The following ERC2 variants were observed in gnomAD, a reference collection of about 807,000 sequenced individuals.
ERC2 encodes the protein ERC protein 2.
Under a neutral mutation model 114.8 loss-of-function variants are expected in ERC2, and 42 were observed. The observed-to-expected ratio is 0.37, with a 90% CI of 0.29 to 0.47. The LOEUF is 0.47. Among genes scored for constraint, ERC2 ranks in the 20% least tolerant of loss-of-function variants. ERC2 has a pLI of 0.99. For missense variants in ERC2, 939 were observed against 1,150.7 expected (o/e 0.82, Z 2.66); for synonymous variants, 454 against 425.5 (o/e 1.07, Z -0.82).
Position 56,188,307 on chromosome 3 carries a change from C to A in ERC2, c.1075-14787G>T, listed in dbSNP as rs111904700. 3.5e-3 allele frequency among the ~76,000 whole-genome samples: 531 copies of A among 152,290 alleles called. 1 individual carries two copies. Among genetic ancestry groups the A allele is most frequent in the African/African-American group, 0.012 (509 of 41,558 alleles). Reference sequence around the variant, plus strand: ...GATCTTTACACATCTTCCCTCACACCCCTTTCTCTCTCGAGTACGTGGAGA... The same window carrying A: ...GATCTTTACACATCTTCCCTCACACACCTTTCTCTCTCGAGTACGTGGAGA... On this transcript the variant is annotated intron_variant, in intron 3 of 17. Transcript: ENST00000288221.
intron 2 of ERC2, among the ~76,000 whole-genome samples, chr3:56,311,262 TA>T (rs2056552383): frequency 2.1e-5 from 1 of 48,318 alleles, no homozygotes; most frequent in Non-Finnish European, 5.4e-5. Flanking sequence ...TCTCTATATA[TA>T]TATATATATA....
chr3:56,159,653 C>T (rs2081947741), intron 4 of ERC2, among the ~76,000 whole-genome samples: 1 of 152,104 alleles, frequency 6.6e-6, no homozygotes, highest in Admixed American at 6.5e-5. Context: ...ACCTTTGTCC[C>T]CTTGCCTCCT....
At chr3:55,751,334 C>T (rs13064055) in intron 14 of ERC2, among the ~76,000 whole-genome samples, 23,362 of 152,030 alleles carry the variant, frequency 0.15, 1,900 homozygotes, top group Middle Eastern at 0.23. Flanking sequence ...GACAAGAGCT[C>T]GAGCTCCAGG....
intron 17 of ERC2, among the ~76,000 whole-genome samples, chr3:55,526,119 G>A (rs528223776): frequency 6.6e-6 from 1 of 152,194 alleles, no homozygotes; most frequent in South Asian, 2.1e-4. Context: ...AGAGGGTGGA[G>A]CAATGCATCT....
intron 14 of ERC2, among the ~76,000 whole-genome samples, chr3:55,873,304 T>G (rs1460577226): frequency 1.3e-5 from 2 of 152,158 alleles, no homozygotes; most frequent in African/African-American, 4.8e-5. Flanking sequence ...GTTAAACACA[T>G]GGCCAAACCA....
chr3:55,745,728 C>T (rs555425175), intron 14 of ERC2, among the ~76,000 whole-genome samples: 1 of 152,180 alleles, frequency 6.6e-6, no homozygotes, highest in African/African-American at 2.4e-5. Context: ...CTAAACTAAA[C>T]CTATTGTCCA....
intron 9 of ERC2, among the ~76,000 whole-genome samples, chr3:56,008,741 C>T (rs187371894): frequency 3.3e-5 from 5 of 152,272 alleles, no homozygotes; most frequent in Admixed American, 2.0e-4. Context: ...AGATTATTCT[C>T]AGTATTCTGC....
At position 56,417,892 on chromosome 3, in the gene ERC2, CT is replaced by C. The variant is rs1439217312; in HGVS notation, c.657+16458del. The stretch of plus-strand genomic sequence containing the variant: ...TCATGTAGTAATGTCACTACATGTC[CT>C]ACAATGAGGGTAGGAAACATCTGAT... On this transcript the variant is annotated intron_variant, in intron 2 of 17. Coordinates refer to ENST00000288221, the MANE Select transcript of ERC2 (RefSeq NM_015576.3). 1.7e-4 allele frequency among the ~76,000 whole-genome samples: 26 copies of C among 152,250 alleles called. No homozygotes were observed. In the South Asian group the frequency reaches 3.5e-3, roughly 21 times the overall value.
intron 6 of ERC2, among the ~76,000 whole-genome samples, chr3:56,096,472 A>T (rs980511736): frequency 3.9e-5 from 6 of 152,208 alleles, no homozygotes; most frequent in Non-Finnish European, 2.9e-5. Context: ...TGAACAGCAT[A>T]AATAGCAACC....
chr3:55,701,741 G>C (rs2063234143), intron 15 of ERC2, among the ~76,000 whole-genome samples: 1 of 152,176 alleles, frequency 6.6e-6, no homozygotes, highest in Non-Finnish European at 1.5e-5. Flanking sequence ...AGCTGCTGCA[G>C]ACTAAGTACT....
chr3:56,460,426 C>T (rs2063259461), intron 1 of ERC2, among the ~76,000 whole-genome samples: 1 of 152,176 alleles, frequency 6.6e-6, no homozygotes, highest in Admixed American at 6.5e-5. Flanking sequence ...AACATCTAGG[C>T]ACTAGGGATA....
chr3:55,950,026 A>C (rs192817870), intron 13 of ERC2, among the ~76,000 whole-genome samples: 5 of 152,368 alleles, frequency 3.3e-5, no homozygotes, highest in Non-Finnish European at 1.5e-5. Context: ...GGATCAGCTG[A>C]ATGTATCCTC....
intron 13 of ERC2, among the ~76,000 whole-genome samples, chr3:55,917,844 T>C (rs946610680): frequency 4.6e-5 from 7 of 152,190 alleles, no homozygotes; most frequent in African/African-American, 1.7e-4. Context: ...TGGATACCAG[T>C]TATATCTTTG....
At chr3:56,053,268 C>T (rs549627578) in intron 7 of ERC2, among the ~76,000 whole-genome samples, 1 of 152,134 alleles carries the variant, frequency 6.6e-6, no homozygotes, top group Non-Finnish European at 1.5e-5. Flanking sequence ...GTAAACTGAA[C>T]AACCAGACCC....
intron 3 of ERC2, among the ~76,000 whole-genome samples, chr3:56,280,878 A>C (rs1280776864): frequency 6.6e-6 from 1 of 152,204 alleles, no homozygotes; most frequent in East Asian, 1.9e-4. Flanking sequence ...TCTGTGCCTC[A>C]GTTTCCTTAT....
At chr3:56,045,425 A>T (rs2075406480) in intron 7 of ERC2, among the ~76,000 whole-genome samples, 1 of 152,146 alleles carries the variant, frequency 6.6e-6, no homozygotes, top group Non-Finnish European at 1.5e-5. Context: ...ATGGCAAGAC[A>T]TACCACAGCC....
chr3:56,359,292 T>C (rs536853917), intron 2 of ERC2, among the ~76,000 whole-genome samples: 2 of 152,276 alleles, frequency 1.3e-5, no homozygotes, highest in South Asian at 4.1e-4. Context: ...CAAATGAATA[T>C]GATTACCCAT....
chr3:56,415,014 C>T (rs1357422919), intron 2 of ERC2, among the ~76,000 whole-genome samples: 2 of 152,218 alleles, frequency 1.3e-5, no homozygotes, highest in African/African-American at 4.8e-5. Context: ...CTCAGGGCTA[C>T]CACATCTTTC....
At chr3:55,752,892 G>A (rs558827930) in intron 14 of ERC2, among the ~76,000 whole-genome samples, 23 of 152,312 alleles carry the variant, frequency 1.5e-4, no homozygotes, top group African/African-American at 5.3e-4. Flanking sequence ...GCTGAATTCC[G>A]ATAAGAGGAC....
Sources: allele counts gnomAD v4.1 joint callset (sites outside exome capture counted in the v4.1 genomes callset), GRCh38; gene constraint gnomAD v4.1.1; transcripts MANE v1.5; gene names NCBI Gene and HGNC (gene_info 2026-07-23, HGNC 2026-07-21).